RAMP1: variants seen among roughly 807,000 people sequenced by gnomAD.
RAMP1 encodes receptor activity modifying protein 1.
Under a neutral mutation model 8.2 loss-of-function variants are expected in RAMP1, and 7 were observed. That is an observed-to-expected ratio of 0.85 (90% CI 0.49 to 1.60). The LOEUF (loss-of-function observed/expected upper bound fraction) is 1.60. RAMP1 is among the 40% of genes most tolerant of loss of function. The pLI, the probability that RAMP1 is intolerant of heterozygous loss-of-function variation, is 0.00. For synonymous variants in RAMP1, 92 were observed against 84.7 expected (o/e 1.09, Z -0.47); for missense variants, 192 against 202.4 (o/e 0.95, Z 0.31).
At chr2:237,899,271 G>A (rs1459551186) in intron 2 of RAMP1, among the ~76,000 whole-genome samples, 4 of 152,068 alleles carry the variant, frequency 2.6e-5, no homozygotes, top group South Asian at 2.1e-4. Context: ...GGGTTTCACC[G>A]TGTTGCCCAG....
intron 2 of RAMP1, among the ~76,000 whole-genome samples, chr2:237,891,868 T>C (rs977839341): frequency 2.0e-5 from 3 of 152,234 alleles, no homozygotes; most frequent in Admixed American, 1.3e-4. Context: ...GATATTTGCA[T>C]ATATGTTTTG....
chr2:237,911,399 C>T lies in RAMP1; in HGVS notation c.192-129C>T, dbSNP rs550204968. The T allele has an allele frequency of 8.4e-5, 111 of 1,325,086 alleles. 1 individual carries two copies. In the Admixed American group the frequency reaches 1.7e-3, roughly 20 times the overall value. The allele number at this position is 1,325,086 out of a possible 1,614,324, so 82.1% of individuals were successfully genotyped here. ...CCTCCTGGATCCAGGGCCACTGCCT[C>T]GGCGTCGGGGCTTCTCCGAGCCAAG... On this transcript the variant is annotated intron_variant, in intron 2 of 2. Transcript: ENST00000254661.
chr2:237,859,745 T>G lies in RAMP1; in HGVS notation c.52+18T>G. ...GCTCCTGGGTGAGTAGGTCCAGGGG[T>G]CCCGGCCGAGCTCCCTTCCCCTGGC... On this transcript the variant is annotated intron_variant, in intron 1 of 2. Transcript: ENST00000254661. 6.7e-7 allele frequency: 1 copy of G among 1,490,478 alleles called. No homozygotes were observed. Among genetic ancestry groups the G allele is most frequent in the Non-Finnish European group, 8.9e-7 (1 of 1,118,432 alleles). 92.3% of individuals were successfully genotyped at this position (1,490,478 alleles called of 1,614,324 possible). A position where few individuals can be genotyped will look rare whatever the true frequency, so the allele number is the denominator to read the frequency against.
chr2:237,866,242 G>C (rs542446577), intron 1 of RAMP1, among the ~76,000 whole-genome samples: 1 of 152,004 alleles, frequency 6.6e-6, no homozygotes, highest in Non-Finnish European at 1.5e-5. Flanking sequence ...GGCCACTACC[G>C]AGAGTGGGAT....
At chr2:237,880,717 A>C (rs2062360145) in intron 2 of RAMP1, among the ~76,000 whole-genome samples, 1 of 152,172 alleles carries the variant, frequency 6.6e-6, no homozygotes, top group South Asian at 2.1e-4. Flanking sequence ...TTGAGGCAGA[A>C]TTTCCGAACG....
chr2:237,871,384 G>A (rs917452593), intron 1 of RAMP1, among the ~76,000 whole-genome samples: 9 of 152,156 alleles, frequency 5.9e-5, no homozygotes, highest in Admixed American at 2.0e-4. Flanking sequence ...CACAGGAAAC[G>A]CCAGGCCATG....
chr2:237,891,402 G>C (rs1265130787), intron 2 of RAMP1, among the ~76,000 whole-genome samples: 1 of 152,060 alleles, frequency 6.6e-6, no homozygotes, highest in African/African-American at 2.4e-5. Flanking sequence ...CGCCTGCCTC[G>C]GCCTCCCAAA....
chr2:237,880,250 C>T (rs79081119), intron 2 of RAMP1, among the ~76,000 whole-genome samples: 16,912 of 152,114 alleles, frequency 0.11, 977 homozygotes, highest in Middle Eastern at 0.2. Flanking sequence ...CATCCCGGGG[C>T]CCGGTGCTAT....
intron 1 of RAMP1, among the ~76,000 whole-genome samples, chr2:237,870,939 C>T (rs1427142037): frequency 6.6e-6 from 1 of 152,172 alleles, no homozygotes; most frequent in Non-Finnish European, 1.5e-5. Context: ...AGGCTCTGAG[C>T]CCGAGAGAGG....
At chr2:237,899,206 G>A (rs2062574524) in intron 2 of RAMP1, among the ~76,000 whole-genome samples, 1 of 152,114 alleles carries the variant, frequency 6.6e-6, no homozygotes, top group Admixed American at 6.5e-5. Context: ...GAGTAGCTGG[G>A]ACTACAGGCA....
upstream of RAMP1, chr2:237,859,191 C>G (rs1010412778): frequency 1.3e-5 from 2 of 152,332 alleles, no homozygotes; most frequent in African/African-American, 4.8e-5. Flanking sequence ...TTTTGCCCCC[C>G]ACGCTCCCCA....
intron 2 of RAMP1, among the ~76,000 whole-genome samples, chr2:237,904,827 A>T (rs1019564339): frequency 1.3e-5 from 2 of 152,128 alleles, no homozygotes; most frequent in African/African-American, 4.8e-5. Context: ...CTCCAGGATC[A>T]CTCTGGGTAA....
chr2:237,894,709 G>A (rs985189510), intron 2 of RAMP1, among the ~76,000 whole-genome samples: 1 of 152,216 alleles, frequency 6.6e-6, no homozygotes, highest in Non-Finnish European at 1.5e-5. Context: ...CACTGTGGCA[G>A]TTCCAAGGCC....
chr2:237,878,143 T>C lies in RAMP1; in HGVS notation c.191+781T>C. On this transcript the variant is annotated intron_variant, in intron 2 of 2. Coordinates refer to ENST00000254661, the MANE Select transcript of RAMP1 (RefSeq NM_005855.4). This position sits in a 1 kb window ranked among gnomAD's most constrained non-coding sequence, Gnocchi z 5.7. ...GGGGTCAGCAGTGCATGCGTGGAGC[T>C]GAAGGCCACCGCCTCCCTGCCATGC... 2.0e-6 allele frequency: 2 copies of C among 985,450 alleles called. No individual in the cohort carries two copies. The highest frequency in any genetic ancestry group is 2.4e-6 in the Non-Finnish European group (2 of 829,916). The allele number at this position is 985,450 out of a possible 1,614,324, so 61.0% of individuals were successfully genotyped here.
chr2:237,886,573 G>A (rs1006399861), intron 2 of RAMP1, among the ~76,000 whole-genome samples: 7 of 152,108 alleles, frequency 4.6e-5, no homozygotes, highest in African/African-American at 1.4e-4. Context: ...GGGCTGGAGC[G>A]GGCGACTGCT....
chr2:237,880,961 G>A (rs13421174), intron 2 of RAMP1, among the ~76,000 whole-genome samples: 1,882 of 152,304 alleles, frequency 0.012, 38 homozygotes, highest in African/African-American at 0.043. Flanking sequence ...GCGCAAAGGT[G>A]TGTTCAGACA....
chr2:237,882,453 G>A (rs953162898), intron 2 of RAMP1, among the ~76,000 whole-genome samples: 1 of 152,222 alleles, frequency 6.6e-6, no homozygotes, highest in African/African-American at 2.4e-5. Flanking sequence ...CGGAGGTGGG[G>A]CTGTTGTGAT....
chr2:237,864,577 C>T (rs1377560135), intron 1 of RAMP1, among the ~76,000 whole-genome samples: 1 of 152,156 alleles, frequency 6.6e-6, no homozygotes, highest in Non-Finnish European at 1.5e-5. Context: ...ACGGGACACA[C>T]AGGGTCAGGA....
intron 1 of RAMP1, among the ~76,000 whole-genome samples, chr2:237,876,862 C>T (rs951328684): frequency 6.6e-6 from 1 of 152,156 alleles, no homozygotes; most frequent in African/African-American, 2.4e-5. Flanking sequence ...GGGGGCACAG[C>T]CCAGCCCAGC....
Sources: gnomAD v4.1 joint callset for allele counts (sites outside exome capture counted in the v4.1 genomes callset) on GRCh38, gnomAD v4.1.1 for gene constraint, Gnocchi (gnomAD v3.1) non-coding constraint, MANE v1.5 for transcripts, NCBI Gene and HGNC (gene_info 2026-07-23, HGNC 2026-07-21) for gene names.